ERICH3: variants seen among roughly 807,000 people sequenced by gnomAD.
ERICH3 encodes glutamate-rich protein 3.
Under a neutral mutation model 131.1 loss-of-function variants are expected in ERICH3, and 126 were observed. The ratio of observed to expected loss-of-function variants is 0.96; its 90% CI spans 0.83 to 1.11. The LOEUF (loss-of-function observed/expected upper bound fraction) is 1.11, where lower values mean the gene tolerates loss of function less well. Among genes scored for constraint, ERICH3 ranks in the 50% most tolerant of loss-of-function variants. The probability of loss-of-function intolerance (pLI) is 0.00; values close to 1 mark genes in which losing one functional copy is unlikely to be tolerated. For missense variants in ERICH3, 2,050 were observed against 1,810.7 expected, an observed-to-expected ratio of 1.13 and a Z score of -2.40; for synonymous variants, 695 against 644.6, an observed-to-expected ratio of 1.08 and a Z score of -1.18.
At chr1:74,636,911 G>T (rs1394863304) in intron 5 of ERICH3, among the ~76,000 whole-genome samples, 1 of 152,056 alleles carries the variant, frequency 6.6e-6, no homozygotes, top group Non-Finnish European at 1.5e-5. Flanking sequence ...TGAAGTAAAA[G>T]CAGACAGTAT....
chr1:74,657,063 C>T (rs1646591730), intron 1 of ERICH3, among the ~76,000 whole-genome samples: 1 of 152,088 alleles, frequency 6.6e-6, no homozygotes, highest in Non-Finnish European at 1.5e-5. Flanking sequence ...GACATATATC[C>T]TTTTTTAAAA....
intron 10 of ERICH3, among the ~76,000 whole-genome samples, chr1:74,601,387 C>T (rs181934354): frequency 6.6e-6 from 1 of 151,904 alleles, no homozygotes; most frequent in African/African-American, 2.4e-5. Flanking sequence ...CCATGAAAGA[C>T]TCTCCAATTT....
intron 1 of ERICH3, among the ~76,000 whole-genome samples, chr1:74,658,665 G>A (rs144705714): frequency 6.6e-6 from 1 of 152,104 alleles, no homozygotes; most frequent in Non-Finnish European, 1.5e-5. Flanking sequence ...TCCACTAAAG[G>A]TTAGGTTAAT....
rs892972958 is a variant in ERICH3 at position 74,636,345 on chromosome 1, T to C, written c.538A>G (p.Lys180Glu). The change falls in exon 6 of 15, where the codon AAG (lysine) becomes GAG (glutamate). Residue 180 changes from lysine to glutamate, a missense_variant. Lys to Glu is a moderately conservative substitution (Grantham distance 56, BLOSUM62 1). Transcript: ENST00000326665. ...PSNPAVETVP[K>E]VTSRSRSKTS... ...TTTGATCTGGACCTTGAAGTTACCTTTGGAACAGTTTCTACTGCAGGATTA... is the reference window on the plus strand; with the variant it reads ...TTTGATCTGGACCTTGAAGTTACCTCTGGAACAGTTTCTACTGCAGGATTA... The C allele has an allele frequency of 2.5e-6, 4 of 1,613,008 alleles. No homozygotes were observed. In the African/African-American group the frequency reaches 5.3e-5, roughly 22 times the overall value.
chr1:74,668,562 A>G (rs1408721319), intron 1 of ERICH3, among the ~76,000 whole-genome samples: 1 of 152,178 alleles, frequency 6.6e-6, no homozygotes. Flanking sequence ...TCACTATGTG[A>G]TTTTTGGCTT....
intron 5 of ERICH3, among the ~76,000 whole-genome samples, chr1:74,639,947 T>C (rs1021343904): frequency 2.6e-5 from 4 of 152,190 alleles, no homozygotes; most frequent in African/African-American, 9.6e-5. Flanking sequence ...AAATGGGACC[T>C]ATTTAATTCC....
At chr1:74,634,638 A>G in intron 6 of ERICH3, 1 of 714,746 alleles carries the variant, frequency 1.4e-6, no homozygotes. Flanking sequence ...ATTAATAATT[A>G]TGGAACTTAA....
chr1:74,659,005 A>C (rs552851449), intron 1 of ERICH3, among the ~76,000 whole-genome samples: 1 of 152,224 alleles, frequency 6.6e-6, no homozygotes, highest in Non-Finnish European at 1.5e-5. Context: ...AATGAACCAC[A>C]TATACATTTG....
chr1:74,579,659 C>T, intron 12 of ERICH3: 2 of 985,356 alleles, frequency 2.0e-6, no homozygotes, highest in Non-Finnish European at 2.4e-6. Context: ...AACTTAAAAG[C>T]AAGAACTTGG....
At position 74,572,559 on chromosome 1, in the gene ERICH3, G is replaced by A; in HGVS notation, c.3151C>T (p.Pro1051Ser). The A allele has an allele frequency of 1.2e-6, 2 of 1,613,862 alleles. No homozygotes were observed. The highest frequency in any genetic ancestry group is 2.2e-5 in the South Asian group (2 of 91,074). Residue 1051 changes from proline to serine, a missense_variant, in exon 14 of 15, where the codon CCC (proline) becomes TCC (serine). Coordinates refer to ENST00000326665, the MANE Select transcript of ERICH3 (RefSeq NM_001002912.5). ...TCTCTTGCTAAATCTAATTCCTTGGGTAAAATTTCTTTCCTATCATCTTCC... is the reference window on the plus strand; with the variant it reads ...TCTCTTGCTAAATCTAATTCCTTGGATAAAATTTCTTTCCTATCATCTTCC... ...NREDDRKEIL[P>S]KELDLARERR...
At chr1:74,621,440 G>A (rs908747056) in intron 7 of ERICH3, 3 of 152,216 alleles carry the variant, frequency 2.0e-5, no homozygotes, top group Admixed American at 6.5e-5. Context: ...TTCCATCTGA[G>A]AGGGAGATGC....
At chr1:74,593,781 AG>A (rs1647716538) in intron 11 of ERICH3, among the ~76,000 whole-genome samples, 1 of 152,168 alleles carries the variant, frequency 6.6e-6, no homozygotes, top group Non-Finnish European at 1.5e-5. Flanking sequence ...AGAGGTCCAA[AG>A]AGGTTCAACA....
chr1:74,652,766 C>G (rs1646548694), intron 1 of ERICH3, among the ~76,000 whole-genome samples: 1 of 152,116 alleles, frequency 6.6e-6, no homozygotes, highest in Non-Finnish European at 1.5e-5. Flanking sequence ...GACCATATTA[C>G]TCGCAGGCTA....
chr1:74,618,310 A>G (rs1294788572), intron 8 of ERICH3, among the ~76,000 whole-genome samples: 1 of 152,218 alleles, frequency 6.6e-6, no homozygotes, highest in African/African-American at 2.4e-5. Context: ...AAAGATGGGT[A>G]AGATTTGAAT....
At chr1:74,625,159 C>CT (rs1420483679) in intron 7 of ERICH3, 5 of 152,054 alleles carry the variant, frequency 3.3e-5, no homozygotes, top group Non-Finnish European at 5.9e-5. Context: ...GAGTAACAAT[C>CT]TATCTTTTTG....
rs765140632 is a variant in ERICH3 at position 74,606,888 on chromosome 1, A to G, written c.1202T>C (p.Met401Thr). ...CAAAGACGGTTTTTTGTCAAGGCCC[A>G]TTGCAATAATGCACCTATGAAAAAT... The part of the protein sequence containing the change: ...SSPCYKCIIA[M>T]GLDKKPSLPK... Residue 401 changes from methionine to threonine, a missense_variant, in exon 10 of 15, where the codon ATG becomes ACG. By Grantham distance (81) the Met-to-Thr change is moderately conservative. Transcript: ENST00000326665. 1 of 1,611,584 alleles carries G rather than the reference A, an allele frequency of 6.2e-7. No homozygotes were observed. Among genetic ancestry groups the G allele is most frequent in the Non-Finnish European group, 8.5e-7 (1 of 1,178,810 alleles).
At chr1:74,610,794 C>G (rs571476621) in intron 9 of ERICH3, among the ~76,000 whole-genome samples, 88 of 152,048 alleles carry the variant, frequency 5.8e-4, no homozygotes, top group Middle Eastern at 3.4e-3. Context: ...CACTATAACT[C>G]GTGCCATGAT....
intron 12 of ERICH3, among the ~76,000 whole-genome samples, chr1:74,577,771 C>T (rs950400907): frequency 6.6e-6 from 1 of 152,092 alleles, no homozygotes; most frequent in African/African-American, 2.4e-5. Context: ...GCCAAATGCA[C>T]ATGCAATGAA....
At position 74,571,580 on chromosome 1, in the gene ERICH3, G is replaced by T. The variant is rs762030685; in HGVS notation, c.4130C>A (p.Ser1377Tyr). 4.3e-6 allele frequency: 7 copies of T among 1,613,974 alleles called. No homozygotes were observed. The African/African-American group carries it at 8.0e-5, about 18-fold the overall frequency. Residue 1377 changes from serine to tyrosine, a missense_variant, in exon 14 of 15, where the codon TCC becomes TAC. Transcript: ENST00000326665. ...EEKTIANKAS[S>Y]FSDVAEEETW... The stretch of plus-strand genomic sequence containing the variant: ...TTCTTCCTCAGCAACATCTGAAAAG[G>T]AGGAGGCTTTATTTGCTATTGTTTT...
Sources: allele counts gnomAD v4.1 joint callset (sites outside exome capture counted in the v4.1 genomes callset), GRCh38; gene constraint gnomAD v4.1.1; transcripts MANE v1.5; gene names NCBI Gene and HGNC (gene_info 2026-07-23, HGNC 2026-07-21).